Variants in COL6A5 observed in about 807,000 individuals in gnomAD.
COL6A5 encodes the protein collagen alpha-5(VI) chain.
Under a neutral mutation model 65.6 loss-of-function variants are expected in COL6A5, and 48 were observed. The observed-to-expected ratio is 0.73, with a 90% CI of 0.58 to 0.93. COL6A5 has a LOEUF of 0.93. Ranked by LOEUF, COL6A5 falls within the 40% of genes least tolerant of loss-of-function variation. The pLI, the probability that COL6A5 is intolerant of heterozygous loss-of-function variation, is 0.00. For missense variants in COL6A5, 914 were observed against 928.3 expected, an observed-to-expected ratio of 0.98 and a Z score of 0.20; for synonymous variants, 291 against 322.8, an observed-to-expected ratio of 0.90 and a Z score of 1.05.
intron 1 of COL6A5, among the ~76,000 whole-genome samples, chr3:130,432,474 C>A (rs529312749): frequency 6.6e-6 from 1 of 151,444 alleles, no homozygotes; most frequent in East Asian, 2.0e-4. Flanking sequence ...TCACTTGAAC[C>A]AGGGAGTTGG....
At chr3:130,408,097 G>A (rs1400403186) in intron 17 of COL6A5, among the ~76,000 whole-genome samples, 1 of 152,134 alleles carries the variant, frequency 6.6e-6, no homozygotes. Flanking sequence ...GAAAAAGACA[G>A]GATAACAGCG....
chr3:130,373,502 G>T, intron 1 of COL6A5, 109 bp from the exon 2 acceptor site: 1 of 616,694 alleles, frequency 1.6e-6, no homozygotes. Context: ...ACTTGGCACT[G>T]CTTGACAAAT....
At chr3:130,388,932 A>G (rs1160212783) in exon 6 of COL6A5, 8 of 1,547,980 alleles carry the variant, frequency 5.2e-6, no homozygotes, top group African/African-American at 1.4e-5. Flanking sequence ...TCACAGATGG[A>G]GTAGCGCAGG....
At chr3:130,428,350 A>G (rs1226595415), upstream of COL6A5, among the ~76,000 whole-genome samples, 1 of 152,132 alleles carries the variant, frequency 6.6e-6, no homozygotes, top group Non-Finnish European at 1.5e-5. Context: ...GTCCAGTAGC[A>G]GCTCTGTGAC....
intron 7 of COL6A5, chr3:130,477,259 C>T (rs1001251518): frequency 8.8e-6 from 5 of 565,698 alleles, no homozygotes; most frequent in Non-Finnish European, 1.2e-5. Flanking sequence ...GGAATATAAT[C>T]AACTAGTATT....
chr3:130,405,840 T>G (rs1269360958), intron 14 of COL6A5, among the ~76,000 whole-genome samples, 153 bp from the exon 15 acceptor site: 3 of 152,084 alleles, frequency 2.0e-5, no homozygotes, highest in Non-Finnish European at 4.4e-5. Flanking sequence ...TATCAAGGAG[T>G]CTTTAGCATT....
chr3:130,470,709 A>G (rs1709929432), intron 6 of COL6A5, among the ~76,000 whole-genome samples, 162 bp from the exon 39 acceptor site: 1 of 152,088 alleles, frequency 6.6e-6, no homozygotes, highest in Admixed American at 6.6e-5. Flanking sequence ...GACTTTGCCA[A>G]GAACAAAGAA....
At chr3:130,440,381 C>T (rs377088613) in exon 3 of COL6A5, 9 of 1,613,384 alleles carry the variant, frequency 5.6e-6, no homozygotes, top group South Asian at 3.3e-5. Context: ...GAGCTATTCT[C>T]CTTGGGAAAG....
At position 130,368,546 on chromosome 3, in the gene COL6A5, A is replaced by AGTGTGTGT. The variant is rs148381805; in HGVS notation, c.-28-5054_-28-5047dup. ...GTGTATGTGTGAGTGTGTGTGAGAG[A>AGTGTGTGT]GTGTGTGTGTGTGTGTGTTACTGGG... On this transcript the variant is annotated intron_variant and NMD_transcript_variant, in intron 1 of 41. Transcript: ENST00000312481. Among the ~76,000 whole-genome samples, 573 of 150,158 alleles carry AGTGTGTGT rather than the reference A, an allele frequency of 3.8e-3. 2 individuals are homozygous for AGTGTGTGT. Among genetic ancestry groups the AGTGTGTGT allele is most frequent in the African/African-American group, 0.013 (523 of 41,076 alleles).
chr3:130,365,692 T>A (rs1935310247), intron 1 of COL6A5, among the ~76,000 whole-genome samples: 2 of 152,222 alleles, frequency 1.3e-5, no homozygotes, highest in South Asian at 4.1e-4. Flanking sequence ...TCTCTGGGAC[T>A]GTACCTCTGT....
chr3:130,454,826 G>T (rs1039371835), intron 4 of COL6A5, among the ~76,000 whole-genome samples: 1 of 152,130 alleles, frequency 6.6e-6, no homozygotes, highest in Admixed American at 6.5e-5. Flanking sequence ...AAATGCTTGT[G>T]AGTTTCTTTT....
chr3:130,466,227 A>G (rs1709812892), intron 5 of COL6A5, among the ~76,000 whole-genome samples: 1 of 152,050 alleles, frequency 6.6e-6, no homozygotes, highest in South Asian at 2.1e-4. Context: ...GGACCATAAA[A>G]CAATGCTCAA....
exon 9 of COL6A5, chr3:130,397,603 G>T (rs1470369819): frequency 1.3e-6 from 2 of 1,550,582 alleles, no homozygotes; most frequent in Non-Finnish European, 8.7e-7. Context: ...GGACATAGTG[G>T]TTGGGTTTGA....
chr3:130,469,558 A>G (rs1179389848), intron 6 of COL6A5, 77 bp downstream of exon 38: 7 of 1,149,210 alleles, frequency 6.1e-6, no homozygotes, highest in Non-Finnish European at 8.7e-6. Flanking sequence ...CAGACTTAGT[A>G]AAATGATCCT....
At chr3:130,428,445 G>A (rs1230006803), upstream of COL6A5, among the ~76,000 whole-genome samples, 1 of 152,086 alleles carries the variant, frequency 6.6e-6, no homozygotes, top group Non-Finnish European at 1.5e-5. Context: ...AGAGAGAAAG[G>A]GGGTGGTTGA....
chr3:130,476,389 C>T (rs1274503285), intron 7 of COL6A5, among the ~76,000 whole-genome samples: 1 of 152,046 alleles, frequency 6.6e-6, no homozygotes. Context: ...AATTTGTGGG[C>T]AAGAGACACA....
At chr3:130,449,717 C>T (rs1709385748) in intron 4 of COL6A5, among the ~76,000 whole-genome samples, 1 of 152,118 alleles carries the variant, frequency 6.6e-6, no homozygotes, top group African/African-American at 2.4e-5. Flanking sequence ...ACCGCCGGAG[C>T]CCATCCCAGG....
chr3:130,429,431 T>G, upstream of COL6A5: 1 of 634,858 alleles, frequency 1.6e-6, no homozygotes, highest in Non-Finnish European at 2.6e-6. Context: ...ACTTTAACCT[T>G]GGCTTCCTGT....
At chr3:130,376,416 C>T (rs755491388) in exon 3 of COL6A5, 1 of 1,613,270 alleles carries the variant, frequency 6.2e-7, no homozygotes, top group African/African-American at 1.3e-5. Flanking sequence ...CAGTGAATTC[C>T]ATCTGAGCAC....
Sources: gnomAD v4.1 joint callset for allele counts (sites outside exome capture counted in the v4.1 genomes callset) on GRCh38, gnomAD v4.1.1 for gene constraint, MANE v1.5 for transcripts, NCBI Gene and HGNC (gene_info 2026-07-23, HGNC 2026-07-21) for gene names.